Variants in DDR1 observed in about 807,000 individuals in gnomAD.
The protein encoded by DDR1 is epithelial discoidin domain-containing receptor 1.
DDR1 carries 64 observed loss-of-function variants against 97.4 expected under a neutral mutation model. The ratio of observed to expected loss-of-function variants is 0.66; its 90% CI spans 0.54 to 0.81. The LOEUF (loss-of-function observed/expected upper bound fraction) is 0.81. Ranked by LOEUF, DDR1 falls within the 30% of genes least tolerant of loss-of-function variation. The pLI, the probability that DDR1 is intolerant of heterozygous loss-of-function variation, is 0.00. For missense variants in DDR1, 990 were observed against 1,259.6 expected (o/e 0.79, Z 3.24); for synonymous variants, 458 against 503.7 (o/e 0.91, Z 1.21).
chr6:30,893,215 C>T lies in DDR1; in HGVS notation c.1195+52C>T, dbSNP rs573519555. ...ACCCTCTGCACCCTTCTCCCTGGGC[C>T]TCCCCCTCGGCTAGGGTGGGACCCT... On this transcript the variant is annotated intron_variant, in intron 9 of 17. Transcript: ENST00000376568. 9 of 1,594,584 alleles carry T rather than the reference C, an allele frequency of 5.6e-6. No homozygotes were observed. In the African/African-American group the frequency reaches 1.1e-4, roughly 19 times the overall value.
intron 1 of DDR1, chr6:30,885,165 C>T (rs956639062): frequency 6.6e-7 from 1 of 1,522,084 alleles, no homozygotes; most frequent in African/African-American, 1.4e-5. Flanking sequence ...CACTCTAACC[C>T]ACCAGTGACA....
intron 1 of DDR1, chr6:30,885,812 G>A (rs1785580467): frequency 7.8e-7 from 1 of 1,289,812 alleles, no homozygotes; most frequent in South Asian, 1.2e-5. Context: ...AGCCAGTTCA[G>A]TAAGTTTGTG....
At position 30,897,269 on chromosome 6, in the gene DDR1, T is replaced by TG; in HGVS notation, c.1998-105dup. 1 of 889,610 alleles carries TG rather than the reference T, an allele frequency of 1.1e-6. No individual in the cohort carries two copies. The highest frequency in any genetic ancestry group is 1.4e-6 in the Non-Finnish European group (1 of 703,580). 55.1% of individuals were successfully genotyped at this position (889,610 alleles called of 1,614,324 possible). On this transcript the variant is annotated intron_variant, in intron 14 of 17. Coordinates refer to ENST00000376568, the MANE Select transcript of DDR1 (RefSeq NM_001297654.2). This position sits in a 1 kb window ranked among gnomAD's most constrained non-coding sequence, Gnocchi z 5.2. ...TCTGGGAGGGGATTTACATGTACGC[T>TG]GGGGGTGGGGACGCCTGGTCTGCCT...
At position 30,897,355 on chromosome 6, in the gene DDR1, C is replaced by G. The variant is rs1252001175; in HGVS notation, c.1998-24C>G. On this transcript the variant is annotated intron_variant, in intron 14 of 17. Transcript: ENST00000376568. The surrounding 1 kb of genome is among the most constrained non-coding windows in gnomAD (Gnocchi z 5.2). Reference sequence around the variant, plus strand: ...TGCAGGCCGCCCACTCGGCATTCCTCTTCAGCTTCTCCTTGTTCTCCAGGA... The same window carrying G: ...TGCAGGCCGCCCACTCGGCATTCCTGTTCAGCTTCTCCTTGTTCTCCAGGA... 3.1e-6 allele frequency: 5 copies of G among 1,613,112 alleles called. No homozygotes were observed. The Admixed American group carries it at 6.7e-5, about 22-fold the overall frequency.
chr6:30,882,387 G>A (rs1016302994), upstream of DDR1, among the ~76,000 whole-genome samples: 2 of 152,232 alleles, frequency 1.3e-5, no homozygotes, highest in Non-Finnish European at 2.9e-5. This position sits in a 1 kb window ranked among gnomAD's most constrained non-coding sequence, Gnocchi z 4.8. Context: ...GGCCTCTGGG[G>A]TTCGGAGTGA....
At position 30,893,328 on chromosome 6, in the gene DDR1, A is replaced by T. The variant is rs1789343345; in HGVS notation, c.1252A>T (p.Ile418Phe). 6.2e-7 allele frequency: 1 copy of T among 1,607,474 alleles called. No individual in the cohort carries two copies. The highest frequency in any genetic ancestry group is 1.3e-5 in the African/African-American group (1 of 74,912). Reference sequence around the variant, plus strand: ...CAAGGCCGAGGGGAGCCCGACCGCCATCCTCATCGGCTGCCTGGTGGCCAT... The same window carrying T: ...CAAGGCCGAGGGGAGCCCGACCGCCTTCCTCATCGGCTGCCTGGTGGCCAT... ...VAKAEGSPTA[I>F]LIGCLVAIIL... The change falls in exon 10 of 18, where the codon ATC (isoleucine) becomes TTC (phenylalanine). Residue 418 changes from isoleucine to phenylalanine, a missense_variant. Coordinates refer to ENST00000376568, the MANE Select transcript of DDR1 (RefSeq NM_001297654.2).
intron 11 of DDR1, among the ~76,000 whole-genome samples, chr6:30,895,095 A>G (rs1243416548): frequency 2.6e-5 from 4 of 151,962 alleles, no homozygotes; most frequent in Admixed American, 2.0e-4. Flanking sequence ...CTATTCATCC[A>G]TCCATCCACC....
chr6:30,890,864 A>T lies in DDR1; in HGVS notation c.418-109A>T. 8.2e-7 allele frequency: 1 copy of T among 1,226,930 alleles called. No homozygotes were observed. The highest frequency in any genetic ancestry group is 1.1e-6 in the Non-Finnish European group (1 of 898,650). 76.0% of individuals were successfully genotyped at this position (1,226,930 alleles called of 1,614,324 possible). ...TGCTGTGTGCTCGGTGCCACCCCTCATGGGTCTCTAAGTGGCCACTGTGGG... is the reference window on the plus strand; with the variant it reads ...TGCTGTGTGCTCGGTGCCACCCCTCTTGGGTCTCTAAGTGGCCACTGTGGG... On this transcript the variant is annotated intron_variant, in intron 4 of 17. Coordinates refer to ENST00000376568, the MANE Select transcript of DDR1 (RefSeq NM_001297654.2). The surrounding 1 kb of genome is among the most constrained non-coding windows in gnomAD (Gnocchi z 5.0).
chr6:30,890,794 C>A lies in DDR1; in HGVS notation c.418-179C>A. On this transcript the variant is annotated intron_variant, in intron 4 of 17. Transcript: ENST00000376568. The surrounding 1 kb of genome is among the most constrained non-coding windows in gnomAD (Gnocchi z 5.0). ...AGAGCTGCGACAGAGCCAGAGGTCT[C>A]AGCTGCAGATCTTCATTTCACCCAT... 1 of 582,060 alleles carries A rather than the reference C, an allele frequency of 1.7e-6. No homozygotes were observed. Among genetic ancestry groups the A allele is most frequent in the East Asian group, 3.2e-5 (1 of 31,462 alleles). 36.1% of individuals were successfully genotyped at this position (582,060 alleles called of 1,614,324 possible).
Position 30,892,152 on chromosome 6 carries a change from T to A in DDR1, c.816T>A (p.Phe272Leu). 6.2e-7 allele frequency: 1 copy of A among 1,614,152 alleles called. No homozygotes were observed. The highest frequency in any genetic ancestry group is 1.1e-5 in the South Asian group (1 of 91,092). Residue 272 changes from phenylalanine (F) to leucine (L), a missense_variant, in exon 7 of 18, where the codon TTT (phenylalanine) becomes TTA (leucine). Physicochemically the swap from Phe to Leu is conservative, Grantham distance 22. Transcript: ENST00000376568. ...SFSSGYVEME[F>L]EFDRLRAFQA... ...CCAGTGGCTATGTGGAGATGGAGTT[T>A]GAGTTTGACCGGCTGAGGGCCTTCC... is the stretch of plus-strand genomic sequence containing the variant.
rs1788827621 is a variant in DDR1, at chr6:30,892,425, G to T, written c.982G>T (p.Asp328Tyr). The T allele has an allele frequency of 1.2e-6, 2 of 1,605,914 alleles. No homozygotes were observed. The highest frequency in any genetic ancestry group is 8.5e-7 in the Non-Finnish European group (1 of 1,179,106). ...CCACAACCTAGGGGGCAACCTGGGGGACCCCAGAGCCCGGGCTGTCTCAGT... is the reference window on the plus strand; with the variant it reads ...CCACAACCTAGGGGGCAACCTGGGGTACCCCAGAGCCCGGGCTGTCTCAGT... ...MRHNLGGNLGDPRARAVSVPL... is the reference protein window; with the variant it reads ...MRHNLGGNLGYPRARAVSVPL... The change falls in exon 8 of 18, where the codon GAC becomes TAC. Residue 328 changes from aspartate to tyrosine, a missense_variant. Coordinates refer to ENST00000376568, the MANE Select transcript of DDR1 (RefSeq NM_001297654.2).
chr6:30,889,150 G>A lies in DDR1; in HGVS notation c.189-52G>A. On this transcript the variant is annotated intron_variant, in intron 3 of 17. Coordinates refer to ENST00000376568, the MANE Select transcript of DDR1 (RefSeq NM_001297654.2). The surrounding 1 kb of genome is among the most constrained non-coding windows in gnomAD (Gnocchi z 4.9). The stretch of plus-strand genomic sequence containing the variant: ...AATGAAGTGGGGTTTAAATACTGGA[G>A]ATGGAGGCAGACCTGGGGCCAGATG... 2 of 1,599,020 alleles carry A rather than the reference G, an allele frequency of 1.3e-6. No individual in the cohort carries two copies. The highest frequency in any genetic ancestry group is 8.6e-7 in the Non-Finnish European group (1 of 1,167,806).
rs1175570604 is a variant in DDR1 at position 30,889,406 on chromosome 6, C to T, written c.393C>T (p.Gly131=). 6.4e-7 allele frequency: 1 copy of T among 1,570,202 alleles called. No individual in the cohort carries two copies. Among genetic ancestry groups the T allele is most frequent in the East Asian group, 2.3e-5 (1 of 44,256 alleles). ...CCCGGGATGGTCGCCGCTGGATGGG[C>T]TGGAAGGACCGCTGGGGTCAGGAGG... ...RYSRDGRRWM[G]WKDRWGQEVI... is the part of the protein sequence containing the mutation. Residue 131 remains glycine (G), a synonymous_variant, in exon 4 of 18, where the codon GGC becomes GGT. Transcript: ENST00000376568. This position sits in a 1 kb window ranked among gnomAD's most constrained non-coding sequence, Gnocchi z 4.9.
At chr6:30,893,499 C>G (rs1789459195) in intron 10 of DDR1, 76 bp downstream of exon 10, 1 of 1,522,708 alleles carries the variant, frequency 6.6e-7, no homozygotes. Context: ...GTGGGACCTG[C>G]AGGGCACAGC....
chr6:30,898,905 G>A lies in DDR1; in HGVS notation c.2469G>A (p.Ala823=), dbSNP rs993900172. The part of the protein sequence containing the change: ...ECILMGKFTT[A]SDVWAFGVTL... ...CATCCCAGGGGAAGTTCACGACTGCGAGTGACGTGTGGGCCTTTGGTGTGA... is the reference window on the plus strand; with the variant it reads ...CATCCCAGGGGAAGTTCACGACTGCAAGTGACGTGTGGGCCTTTGGTGTGA... The change falls in exon 17 of 18, where the codon GCG becomes GCA. Residue 823 remains alanine (A), a synonymous_variant. Coordinates refer to ENST00000376568, the MANE Select transcript of DDR1 (RefSeq NM_001297654.2). 4 of 1,607,800 alleles carry A rather than the reference G, an allele frequency of 2.5e-6. No homozygotes were observed. Among genetic ancestry groups the A allele is most frequent in the East Asian group, 2.2e-5 (1 of 44,686 alleles).
At chr6:30,892,943 G>T in intron 8 of DDR1, 125 bp from the exon 9 acceptor site, 1 of 838,846 alleles carries the variant, frequency 1.2e-6, no homozygotes, top group South Asian at 1.6e-5. Context: ...GCCCCCACTG[G>T]TCAGTGGTTG....
chr6:30,899,974 C>T lies in DDR1; in HGVS notation c.*678C>T. 1.7e-6 allele frequency: 1 copy of T among 581,206 alleles called. No homozygotes were observed. Among genetic ancestry groups the T allele is most frequent in the Non-Finnish European group, 3.3e-6 (1 of 299,724 alleles). 36.0% of individuals were successfully genotyped at this position (581,206 alleles called of 1,614,324 possible). Reference sequence around the variant, plus strand: ...ATTGGGGGGAAAGAGGGAGCAACGGCCCATAGCCTTGGGGTTGGACATCTC... The same window carrying T: ...ATTGGGGGGAAAGAGGGAGCAACGGTCCATAGCCTTGGGGTTGGACATCTC... On this transcript the variant is annotated 3_prime_UTR_variant, in exon 18 of 18. Coordinates refer to ENST00000376568, the MANE Select transcript of DDR1 (RefSeq NM_001297654.2).
rs778621138 is a variant in DDR1 at position 30,888,859 on chromosome 6, G to A, written c.85+45G>A. Reference sequence around the variant, plus strand: ...GGTCCCTGAGGGCCAGGGCTTGGGAGGTAGAGAGTTGGGGGCCTTGACCTG... The same window carrying A: ...GGTCCCTGAGGGCCAGGGCTTGGGAAGTAGAGAGTTGGGGGCCTTGACCTG... On this transcript the variant is annotated intron_variant, in intron 2 of 17. Transcript: ENST00000376568. This position sits in a 1 kb window ranked among gnomAD's most constrained non-coding sequence, Gnocchi z 4.2. The A allele has an allele frequency of 1.9e-6, 3 of 1,612,962 alleles. No homozygotes were observed. The highest frequency in any genetic ancestry group is 2.5e-6 in the Non-Finnish European group (3 of 1,179,976).
chr6:30,889,233 T>C lies in DDR1; in HGVS notation c.220T>C (p.Cys74Arg). 3.7e-6 allele frequency: 6 copies of C among 1,613,058 alleles called. No individual in the cohort carries two copies. The highest frequency in any genetic ancestry group is 5.1e-6 in the Non-Finnish European group (6 of 1,180,014). Reference protein sequence around the residue: ...LESSDGDGAWCPAGSVFPKEE... With the variant: ...LESSDGDGAWRPAGSVFPKEE... ...GAGCAGTGACGGGGATGGGGCCTGG[T>C]GCCCCGCAGGGTCGGTGTTTCCCAA... The change falls in exon 4 of 18, where the codon TGC becomes CGC. Residue 74 changes from cysteine (C) to arginine (R), a missense_variant. By Grantham distance (180) the Cys-to-Arg change is radical. Coordinates refer to ENST00000376568, the MANE Select transcript of DDR1 (RefSeq NM_001297654.2). The surrounding 1 kb of genome is among the most constrained non-coding windows in gnomAD (Gnocchi z 4.9).
Sources: gnomAD v4.1 joint callset for allele counts (sites outside exome capture counted in the v4.1 genomes callset) on GRCh38, gnomAD v4.1.1 for gene constraint, Gnocchi (gnomAD v3.1) non-coding constraint, MANE v1.5 for transcripts, NCBI Gene and HGNC (gene_info 2026-07-23, HGNC 2026-07-21) for gene names.